The following RARB variants were observed in gnomAD, a reference collection of about 807,000 sequenced individuals.
RARB encodes retinoic acid receptor beta.
A neutral mutation model predicts 51.9 loss-of-function variants in RARB; 17 were observed. That is an observed-to-expected ratio of 0.33 (90% CI 0.22 to 0.49). The LOEUF (loss-of-function observed/expected upper bound fraction) is 0.49, where lower values mean the gene tolerates loss of function less well. Among genes scored for constraint, RARB ranks in the 20% least tolerant of loss-of-function variants. The pLI is 0.99. For missense variants in RARB, 369 were observed against 550.8 expected (o/e 0.67, Z 3.30); for synonymous variants, 215 against 195.4 (o/e 1.10, Z -0.84).
intron 1 of RARB, among the ~76,000 whole-genome samples, chr3:25,445,951 A>G (rs969518334): frequency 1.3e-5 from 2 of 152,218 alleles, no homozygotes; most frequent in Non-Finnish European, 2.9e-5. Context: ...AAAAAAATCC[A>G]TGTAATGGAT....
intron 5 of RARB, among the ~76,000 whole-genome samples, chr3:25,213,267 T>C (rs1053872214): frequency 1.3e-5 from 2 of 152,204 alleles, no homozygotes; most frequent in African/African-American, 4.8e-5. Context: ...TCTGACAGCA[T>C]AGATCTGTAC....
At chr3:25,523,138 G>T (rs563171861) in intron 3 of RARB, among the ~76,000 whole-genome samples, 11 of 152,284 alleles carry the variant, frequency 7.2e-5, no homozygotes, top group Non-Finnish European at 1.2e-4. Flanking sequence ...AATATCACTG[G>T]TTTCCAGTAA....
At chr3:25,172,133 G>A (rs1466866899) in intron 4 of RARB, among the ~76,000 whole-genome samples, 3 of 152,170 alleles carry the variant, frequency 2.0e-5, no homozygotes, top group Non-Finnish European at 4.4e-5. Flanking sequence ...TGGTCTCACT[G>A]TTGACACTGT....
At position 25,580,571 on chromosome 3, in the gene RARB, G is replaced by T; in HGVS notation, c.635G>T (p.Arg212Leu). 1 of 1,601,608 alleles carries T rather than the reference G, an allele frequency of 6.2e-7. No individual in the cohort carries two copies. Among genetic ancestry groups the T allele is most frequent in the Non-Finnish European group, 8.5e-7 (1 of 1,170,292 alleles). Residue 212 changes from arginine (R) to leucine (L), a missense_variant, in exon 5 of 8, where the codon CGA becomes CTA. By Grantham distance (102) the Arg-to-Leu change is moderately radical (BLOSUM62 -2). This residue lies in a region of RARB where 49 missense variants were observed against 103.4 expected (regional missense o/e 0.47). Coordinates refer to ENST00000330688, the MANE Select transcript of RARB (RefSeq NM_000965.5). ...TTNSSADHRV[R>L]LDLGLWDKFS... The stretch of plus-strand genomic sequence containing the variant: ...AATTCCAGTGCTGACCATCGAGTCC[G>T]ACTGGACCTGGGCCTCTGGGACAAA...
At chr3:25,391,597 A>G (rs1406046571) in intron 5 of RARB, among the ~76,000 whole-genome samples, 1 of 148,892 alleles carries the variant, frequency 6.7e-6, no homozygotes, top group African/African-American at 2.5e-5. Context: ...CAGAAGTAAG[A>G]TGGTATCACA....
chr3:25,130,400 C>T (rs1377977245), intron 3 of RARB, among the ~76,000 whole-genome samples: 1 of 152,050 alleles, frequency 6.6e-6, no homozygotes, highest in Non-Finnish European at 1.5e-5. Flanking sequence ...GTGACTAACT[C>T]TGACAAATAG....
intron 5 of RARB, among the ~76,000 whole-genome samples, chr3:25,220,039 C>T (rs1354147420): frequency 6.6e-6 from 1 of 152,118 alleles, no homozygotes; most frequent in Non-Finnish European, 1.5e-5. Context: ...ATAGGATTAT[C>T]TTAAAGAATG....
At chr3:25,042,638 G>T (rs1172665236) in intron 2 of RARB, among the ~76,000 whole-genome samples, 4 of 152,178 alleles carry the variant, frequency 2.6e-5, no homozygotes, top group African/African-American at 9.7e-5. Context: ...GCTCTGGTTT[G>T]TGCCACTTGA....
At chr3:25,409,586 A>C (rs7620529) in intron 5 of RARB, among the ~76,000 whole-genome samples, 95,682 of 151,918 alleles carry the variant, frequency 0.63, 30,471 homozygotes, top group East Asian at 0.82. Context: ...CCAATAATAC[A>C]TTTAATGTGG....
At chr3:25,099,389 A>C (rs1329240714) in intron 3 of RARB, among the ~76,000 whole-genome samples, 3 of 152,154 alleles carry the variant, frequency 2.0e-5, no homozygotes, top group African/African-American at 7.2e-5. Flanking sequence ...TTCAAAGGAA[A>C]AATATTAATG....
In RARB at chr3:25,510,183, C is replaced by T. The variant is rs537699074; in HGVS notation, c.448+8860C>T. Among the ~76,000 whole-genome samples the T allele has an allele frequency of 4.6e-5, 7 of 152,322 alleles. No individual in the cohort carries two copies. In the South Asian group the frequency reaches 1.2e-3, roughly 27 times the overall value. ...GGTAAGAGACCTGCCTGAGGTCACA[C>T]AGCTGGTATACACCCATGGGTCTTA... On this transcript the variant is annotated intron_variant, in intron 3 of 7. Coordinates refer to ENST00000330688, the MANE Select transcript of RARB (RefSeq NM_000965.5).
intron 4 of RARB, among the ~76,000 whole-genome samples, chr3:25,163,917 A>G (rs191213795): frequency 6.6e-6 from 1 of 152,344 alleles, no homozygotes; most frequent in Non-Finnish European, 1.5e-5. Flanking sequence ...TTTCCTGGCC[A>G]TAGGTCTTGT....
intron 1 of RARB, among the ~76,000 whole-genome samples, chr3:24,830,636 C>G (rs897594036): frequency 1.4e-5 from 2 of 146,952 alleles, no homozygotes; most frequent in African/African-American, 5.0e-5. Flanking sequence ...TTGGACGACC[C>G]TTCCAGGACC....
intron 3 of RARB, among the ~76,000 whole-genome samples, chr3:25,559,042 C>T (rs562049552): frequency 2.6e-5 from 4 of 152,232 alleles, no homozygotes; most frequent in Non-Finnish European, 5.9e-5. Context: ...TTTCTCATAT[C>T]TCCCCCATCC....
intron 5 of RARB, among the ~76,000 whole-genome samples, chr3:25,192,331 GTT>G (rs367797605): frequency 1.9e-3 from 293 of 152,166 alleles, no homozygotes; most frequent in African/African-American, 6.8e-3. Context: ...TCGTGTAATT[GTT>G]TTAAAACTAT....
chr3:24,869,227 G>C (rs965354633), intron 2 of RARB, among the ~76,000 whole-genome samples: 10 of 152,080 alleles, frequency 6.6e-5, no homozygotes, highest in African/African-American at 2.4e-4. Flanking sequence ...TCATGTGTGA[G>C]ATTTTTCATA....
intron 2 of RARB, among the ~76,000 whole-genome samples, chr3:25,464,650 T>C (rs2053023): frequency 0.14 from 20,987 of 151,974 alleles, 1,614 homozygotes; most frequent in African/African-American, 0.21. Flanking sequence ...GAAAAAGAAA[T>C]ATAACTTTAA....
upstream of RARB, among the ~76,000 whole-genome samples, chr3:25,425,811 T>C (rs1379363122): frequency 6.6e-6 from 1 of 152,150 alleles, no homozygotes; most frequent in Non-Finnish European, 1.5e-5. Flanking sequence ...GAACAGAATT[T>C]TGAGGACACC....
chr3:25,022,282 T>C (rs1697654744), intron 2 of RARB, among the ~76,000 whole-genome samples: 1 of 152,224 alleles, frequency 6.6e-6, no homozygotes, highest in African/African-American at 2.4e-5. Flanking sequence ...TATCTGGACT[T>C]CTAAAGCCAT....
Sources: gnomAD v4.1 joint callset for allele counts (sites outside exome capture counted in the v4.1 genomes callset) on GRCh38, gnomAD v4.1.1 for gene constraint, gnomAD v4.1.1 regional missense constraint, MANE v1.5 for transcripts, NCBI Gene and HGNC (gene_info 2026-07-23, HGNC 2026-07-21) for gene names.